Variants in CDC23 observed in about 807,000 individuals in gnomAD.
CDC23 encodes the protein cell division cycle 23, also known as cell division cycle protein 23 homolog.
CDC23 carries 26 observed loss-of-function variants against 81.7 expected under a neutral mutation model. The observed-to-expected ratio is 0.32, with a 90% confidence interval of 0.23 to 0.44. CDC23 has a LOEUF of 0.44. Among genes scored for constraint, CDC23 ranks in the 20% least tolerant of loss-of-function variants. The pLI is 1.00. For synonymous variants in CDC23, 267 were observed against 270.8 expected (o/e 0.99, Z 0.14); for missense variants, 519 against 728.0 (o/e 0.71, Z 3.30).
At chr5:138,202,453 T>A (rs1026594175) in intron 3 of CDC23, among the ~76,000 whole-genome samples, 1 of 152,140 alleles carries the variant, frequency 6.6e-6, no homozygotes, top group Non-Finnish European at 1.5e-5. Flanking sequence ...CTGGCTAATT[T>A]TTGTATTTTT....
At chr5:138,202,237 A>C in intron 3 of CDC23, 82 bp from the exon 4 acceptor site, 1 of 1,035,396 alleles carries the variant, frequency 9.7e-7, no homozygotes, top group Non-Finnish European at 1.5e-6. Context: ...ATCCTACCTA[A>C]AGGGCCAAGT....
chr5:138,195,812 C>CAT (rs1168996033), intron 9 of CDC23, among the ~76,000 whole-genome samples: 1 of 120,844 alleles, frequency 8.3e-6, no homozygotes, highest in Non-Finnish European at 1.7e-5. Context: ...TATATATATA[C>CAT]ATATATATAA....
intron 9 of CDC23, 81 bp from the exon 10 acceptor site, chr5:138,192,738 A>C: frequency 1.6e-6 from 2 of 1,269,006 alleles, no homozygotes; most frequent in East Asian, 2.4e-5. Context: ...ATTCCACCAA[A>C]TGGGCGTGAA....
intron 9 of CDC23, among the ~76,000 whole-genome samples, chr5:138,197,417 A>T (rs1297439922): frequency 6.6e-6 from 1 of 151,312 alleles, no homozygotes. Context: ...GTTAAAAAAA[A>T]GGAAGTTAGA....
intron 6 of CDC23, among the ~76,000 whole-genome samples, chr5:138,199,805 C>A (rs1280810221): frequency 6.6e-6 from 1 of 151,814 alleles, no homozygotes; most frequent in East Asian, 1.9e-4. Flanking sequence ...GTTTAACAAA[C>A]CTTCAATGAA....
At chr5:138,211,986 T>C (rs2967786) in intron 2 of CDC23, among the ~76,000 whole-genome samples, 48,543 of 152,052 alleles carry the variant, frequency 0.32, 8,260 homozygotes, top group South Asian at 0.43. Flanking sequence ...TTCTTGAAAA[T>C]GCAGCAATTA....
chr5:138,190,055 A>C (rs1754809100), intron 13 of CDC23, 149 bp from the exon 14 acceptor site: 1 of 640,890 alleles, frequency 1.6e-6, no homozygotes, highest in African/African-American at 1.8e-5. Flanking sequence ...GAATAGTATT[A>C]GATGTGATAG....
chr5:138,196,533 C>T (rs187537981), intron 9 of CDC23, among the ~76,000 whole-genome samples: 129 of 149,776 alleles, frequency 8.6e-4, no homozygotes, highest in African/African-American at 3.1e-3. Flanking sequence ...ATGATCCACC[C>T]GCCTTGGCCT....
intron 9 of CDC23, among the ~76,000 whole-genome samples, chr5:138,195,147 G>A (rs952913159): frequency 1.3e-5 from 2 of 151,894 alleles, no homozygotes. Flanking sequence ...TGCAGAGTAT[G>A]TATATAATAT....
In CDC23 at chr5:138,198,277, T is replaced by C. The variant is rs775389485; in HGVS notation, c.934A>G (p.Met312Val). Residue 312 changes from methionine (M) to valine (V), a missense_variant, in exon 9 of 16, where the codon ATG (methionine) becomes GTG (valine). Physicochemically the swap from Met to Val is conservative, Grantham distance 21 (BLOSUM62 1). Coordinates refer to ENST00000394886, the MANE Select transcript of CDC23 (RefSeq NM_004661.4). ...GCCAGATAACTCAACTCCGATTTCA[T>C]GCTCTGGGATAAAAGAAAAAGACAA... is the stretch of plus-strand genomic sequence containing the variant. ...TFSNLLYVRSMKSELSYLAHN... is the reference protein window; with the variant it reads ...TFSNLLYVRSVKSELSYLAHN... 3.1e-6 allele frequency: 5 copies of C among 1,612,726 alleles called. No individual in the cohort carries two copies. Among genetic ancestry groups the C allele is most frequent in the East Asian group, 2.2e-5 (1 of 44,892 alleles).
intron 2 of CDC23, among the ~76,000 whole-genome samples, chr5:138,207,053 T>C (rs1198518103): frequency 6.6e-6 from 1 of 152,008 alleles, no homozygotes; most frequent in Non-Finnish European, 1.5e-5. Context: ...CTAATTTTTG[T>C]ATTTTTAGTA....
At chr5:138,189,348 A>C (rs1165912272) in intron 15 of CDC23, among the ~76,000 whole-genome samples, 200 bp from the exon 16 acceptor site, 1 of 151,398 alleles carries the variant, frequency 6.6e-6, no homozygotes, top group Non-Finnish European at 1.5e-5. Flanking sequence ...CCTCGACCTC[A>C]CTGCAGAGGA....
intron 9 of CDC23, among the ~76,000 whole-genome samples, chr5:138,195,720 ATGTATATATATACATATAATATATATG>A (rs1754889415): frequency 1.5e-5 from 1 of 66,200 alleles, no homozygotes; most frequent in Non-Finnish European, 3.3e-5. Context: ...TATAATATAT[ATGTATATATATACATATAATATATATG>A]TATATATATA....
At chr5:138,192,901 C>A (rs930776656) in intron 9 of CDC23, among the ~76,000 whole-genome samples, 9 of 152,114 alleles carry the variant, frequency 5.9e-5, no homozygotes, top group Non-Finnish European at 1.2e-4. Flanking sequence ...TTTAATATCA[C>A]CTGGATACAG....
chr5:138,208,531 A>C (rs1755078231), intron 2 of CDC23, among the ~76,000 whole-genome samples: 1 of 152,192 alleles, frequency 6.6e-6, no homozygotes, highest in African/African-American at 2.4e-5. Flanking sequence ...TGGGACAAAA[A>C]AATCAAGAAA....
intron 6 of CDC23, 200 bp downstream of exon 6, chr5:138,200,907 C>A: frequency 5.4e-6 from 3 of 554,028 alleles, no homozygotes; most frequent in South Asian, 2.6e-5. Flanking sequence ...GATACAAATC[C>A]AACAGCAACT....
At chr5:138,202,531 A>G (rs2126586620) in intron 3 of CDC23, among the ~76,000 whole-genome samples, 1 of 152,282 alleles carries the variant, frequency 6.6e-6, no homozygotes. Flanking sequence ...TGATTTGCCC[A>G]CCTTGGCCTC....
chr5:138,194,752 G>A (rs557215612), intron 9 of CDC23, among the ~76,000 whole-genome samples: 4 of 128,302 alleles, frequency 3.1e-5, no homozygotes, highest in South Asian at 4.8e-4. Context: ...ACAGAGTTTC[G>A]CTCTTGTCGC....
intron 13 of CDC23, 98 bp downstream of exon 13, chr5:138,191,376 T>C (rs1352654354): frequency 5.1e-6 from 5 of 981,392 alleles, no homozygotes; most frequent in East Asian, 2.4e-5. Context: ...TACACCTATG[T>C]AGAATGATGG....
Sources: gnomAD v4.1 joint callset for allele counts (sites outside exome capture counted in the v4.1 genomes callset) on GRCh38, gnomAD v4.1.1 for gene constraint, MANE v1.5 for transcripts, NCBI Gene and HGNC (gene_info 2026-07-23, HGNC 2026-07-21) for gene names.